GATAD2A: variants seen among roughly 807,000 people sequenced by gnomAD.
GATAD2A encodes transcriptional repressor p66-alpha.
Under a neutral mutation model 68.5 loss-of-function variants are expected in GATAD2A, and 12 were observed. That is an observed-to-expected ratio of 0.18 (90% CI 0.11 to 0.28). GATAD2A has a LOEUF of 0.28. Among genes scored for constraint, GATAD2A ranks in the 10% least tolerant of loss-of-function variants. The pLI is 1.00. For synonymous variants in GATAD2A, 410 were observed against 375.3 expected, an observed-to-expected ratio of 1.09 and a Z score of -1.07; for missense variants, 755 against 868.5, an observed-to-expected ratio of 0.87 and a Z score of 1.64.
chr19:19,491,987 AG>A (rs1245671104), intron 2 of GATAD2A, among the ~76,000 whole-genome samples: 7 of 152,198 alleles, frequency 4.6e-5, no homozygotes, highest in African/African-American at 1.4e-4. Context: ...GGCACACGGT[AG>A]AGGGAGCAGC....
rs1474334301 is a variant in GATAD2A at position 19,496,112 on chromosome 19, C to T, written c.817C>T (p.Arg273Trp). 5.0e-6 allele frequency: 8 copies of T among 1,613,304 alleles called. No homozygotes were observed. The highest frequency in any genetic ancestry group is 2.7e-5 in the African/African-American group (2 of 75,054). The change falls in exon 7 of 12, where the codon CGG becomes TGG. Residue 273 changes from arginine (R) to tryptophan (W), a missense_variant. Arg to Trp is a moderately radical substitution (Grantham distance 101). Transcript: ENST00000683918. Reference protein sequence around the residue: ...TGPPPLLLAPRASVPSVQIQG... With the variant: ...TGPPPLLLAPWASVPSVQIQG... The stretch of plus-strand genomic sequence containing the variant: ...GCCACCGCCCCTCCTCCTGGCCCCC[C>T]GGGCGTCGGTGCCCAGTGTGCAGAT...
chr19:19,462,490 G>A (rs1417845331), intron 1 of GATAD2A, among the ~76,000 whole-genome samples: 6 of 152,262 alleles, frequency 3.9e-5, no homozygotes, highest in Non-Finnish European at 8.8e-5. Flanking sequence ...GGAGGCACAG[G>A]CATAGGGCAG....
At chr19:19,419,494 G>C (rs2052072513) in intron 1 of GATAD2A, among the ~76,000 whole-genome samples, 1 of 142,916 alleles carries the variant, frequency 7.0e-6, no homozygotes, top group Non-Finnish European at 1.5e-5. Flanking sequence ...TCCTGGGTCT[G>C]TAATGATCTC....
At chr19:19,403,697 T>C (rs1327779079), upstream of GATAD2A, among the ~76,000 whole-genome samples, 2 of 152,352 alleles carry the variant, frequency 1.3e-5, no homozygotes, top group East Asian at 1.9e-4. Flanking sequence ...GTTAATTAAA[T>C]TGACATTAAT....
At chr19:19,474,068 G>A (rs903027705) in intron 2 of GATAD2A, 2 of 984,896 alleles carry the variant, frequency 2.0e-6, no homozygotes, top group South Asian at 4.7e-5. Context: ...ACGTGGGAGT[G>A]TGGACGGCTT....
chr19:19,427,305 T>TA (rs2053211959), intron 1 of GATAD2A, among the ~76,000 whole-genome samples: 1 of 152,028 alleles, frequency 6.6e-6, no homozygotes, highest in Non-Finnish European at 1.5e-5. Flanking sequence ...TTTACCACAA[T>TA]AAAAAAATGA....
At chr19:19,442,067 G>A (rs2055158308) in intron 1 of GATAD2A, among the ~76,000 whole-genome samples, 1 of 148,056 alleles carries the variant, frequency 6.8e-6, no homozygotes, top group Admixed American at 6.7e-5. Context: ...CTCCATGTTG[G>A]TCAGGCTGGT....
chr19:19,450,757 A>AAC (rs2056292667), intron 1 of GATAD2A, among the ~76,000 whole-genome samples: 1 of 150,954 alleles, frequency 6.6e-6, no homozygotes, highest in Non-Finnish European at 1.5e-5. Context: ...AAAAAAAAAA[A>AAC]AAAAACTCTT....
chr19:19,483,304 T>C (rs1403068913), intron 2 of GATAD2A, among the ~76,000 whole-genome samples: 1 of 152,190 alleles, frequency 6.6e-6, no homozygotes, highest in East Asian at 1.9e-4. Flanking sequence ...GAGCGGTCGT[T>C]GGACCTGAAG....
intron 1 of GATAD2A, chr19:19,435,201 T>C (rs1315496739): frequency 3.6e-5 from 18 of 493,288 alleles, no homozygotes; most frequent in Admixed American, 3.5e-4. Context: ...AACATACTCC[T>C]AAGTACCTAT....
intron 2 of GATAD2A, among the ~76,000 whole-genome samples, chr19:19,468,449 A>G (rs965053717): frequency 6.6e-6 from 1 of 152,264 alleles, no homozygotes; most frequent in African/African-American, 2.4e-5. Flanking sequence ...GGAGAAACTC[A>G]TCCAGGAATC....
At chr19:19,401,156 A>T (rs2049697468), upstream of GATAD2A, among the ~76,000 whole-genome samples, 1 of 150,956 alleles carries the variant, frequency 6.6e-6, no homozygotes. Flanking sequence ...AAAAAAAAAA[A>T]AAAAAGTAGT....
At chr19:19,488,576 G>T (rs1384000317) in intron 2 of GATAD2A, among the ~76,000 whole-genome samples, 3 of 152,358 alleles carry the variant, frequency 2.0e-5, no homozygotes, top group South Asian at 2.1e-4. Context: ...GTGGAAGTGG[G>T]ATCGTGTCTC....
At chr19:19,386,456 G>A (rs571584175) in intron 1 of GATAD2A, among the ~76,000 whole-genome samples, 1 of 149,884 alleles carries the variant, frequency 6.7e-6, no homozygotes, top group South Asian at 2.1e-4. Flanking sequence ...TCCAGGCAGG[G>A]GATCCCATCT....
chr19:19,470,377 G>T (rs914937046), intron 2 of GATAD2A, among the ~76,000 whole-genome samples: 1 of 151,826 alleles, frequency 6.6e-6, no homozygotes, highest in African/African-American at 2.4e-5. Context: ...CTCGTGATCC[G>T]CCCGCCTCAC....
chr19:19,390,174 T>C (rs921142990), intron 1 of GATAD2A, among the ~76,000 whole-genome samples: 10 of 152,210 alleles, frequency 6.6e-5, no homozygotes, highest in African/African-American at 2.4e-4. Flanking sequence ...CCTTCTTAGT[T>C]ATGTGGCCTT....
chr19:19,420,354 CG>C (rs1198360679), intron 1 of GATAD2A, among the ~76,000 whole-genome samples: 2 of 113,066 alleles, frequency 1.8e-5, no homozygotes, highest in Admixed American at 1.0e-4. Context: ...TTTTTTGATA[CG>C]GGGTCTCGCT....
At chr19:19,484,518 C>CTTTT (rs58628123) in intron 2 of GATAD2A, among the ~76,000 whole-genome samples, 16 of 114,462 alleles carry the variant, frequency 1.4e-4, no homozygotes, top group Non-Finnish European at 1.3e-4. Flanking sequence ...TTTTCTTTTT[C>CTTTT]TTTTTTTTTT....
chr19:19,420,055 G>C (rs2052172796), intron 1 of GATAD2A, among the ~76,000 whole-genome samples: 1 of 134,628 alleles, frequency 7.4e-6, no homozygotes, highest in Non-Finnish European at 1.5e-5. Flanking sequence ...CTGTCACCCA[G>C]GCTGGAGTGC....
Sources: allele counts gnomAD v4.1 joint callset (sites outside exome capture counted in the v4.1 genomes callset), GRCh38; gene constraint gnomAD v4.1.1; transcripts MANE v1.5; gene names NCBI Gene and HGNC (gene_info 2026-07-23, HGNC 2026-07-21).